Variants in CHD9 observed in about 807,000 individuals in gnomAD.
CHD9 encodes the protein ATP-dependent chromatin remodeler CHD9.
CHD9 carries 77 observed loss-of-function variants against 316.1 expected under a neutral mutation model. That is an observed-to-expected ratio of 0.24 (90% CI 0.20 to 0.29). CHD9 has a LOEUF of 0.29. CHD9 is among the 10% of genes least tolerant of loss of function. CHD9 has a pLI of 1.00. For synonymous variants in CHD9, 1,129 were observed against 1,158.3 expected, an observed-to-expected ratio of 0.97 and a Z score of 0.51; for missense variants, 2,763 against 3,438.1, an observed-to-expected ratio of 0.80 and a Z score of 4.91.
At chr16:53,296,004 C>T (rs999397427) in intron 29 of CHD9, among the ~76,000 whole-genome samples, 1 of 152,266 alleles carries the variant, frequency 6.6e-6, no homozygotes. Flanking sequence ...AAGCCATAAC[C>T]TTGTCAATCT....
At chr16:53,146,689 C>G (rs2040653855) in intron 1 of CHD9, among the ~76,000 whole-genome samples, 1 of 150,620 alleles carries the variant, frequency 6.6e-6, no homozygotes, top group Admixed American at 6.6e-5. Flanking sequence ...ATCCCAGCTA[C>G]TTGGGAGGCT....
At chr16:53,198,420 G>A (rs1181994626) in intron 2 of CHD9, among the ~76,000 whole-genome samples, 4 of 148,262 alleles carry the variant, frequency 2.7e-5, no homozygotes, top group Non-Finnish European at 5.9e-5. Context: ...TCCGCCTCCC[G>A]GGTTCAAGCG....
intron 2 of CHD9, among the ~76,000 whole-genome samples, chr16:53,190,312 C>T (rs2044377653): frequency 6.6e-6 from 1 of 151,980 alleles, no homozygotes; most frequent in Non-Finnish European, 1.5e-5. Flanking sequence ...TTTGTCTACA[C>T]TGAGAATCAA....
At chr16:53,249,764 T>G (rs2049976360) in intron 16 of CHD9, 107 bp from the exon 17 acceptor site, 2 of 895,460 alleles carry the variant, frequency 2.2e-6, no homozygotes, top group South Asian at 3.1e-5. Context: ...GCTTCTTAAT[T>G]TTAGAGAAAA....
chr16:53,162,565 CAT>C (rs2041987557), intron 2 of CHD9, among the ~76,000 whole-genome samples: 1 of 152,048 alleles, frequency 6.6e-6, no homozygotes, highest in South Asian at 2.1e-4. Context: ...GTAAGTGAAA[CAT>C]GTTATGAGGG....
chr16:53,208,611 G>GA (rs2046075588), intron 2 of CHD9: 1 of 1,000,866 alleles, frequency 1.0e-6, no homozygotes, highest in Non-Finnish European at 1.2e-6. Flanking sequence ...GGCAGGTATA[G>GA]AAAAAATATC....
rs1319314541 is a variant in CHD9, at chr16:53,245,135, C to G, written c.3055-201C>G. Reference sequence around the variant, plus strand: ...GCTGAACTATGATGGCATCACTGCACTCCAGCCTGGGTGTCACAGCAAGAC... The same window carrying G: ...GCTGAACTATGATGGCATCACTGCAGTCCAGCCTGGGTGTCACAGCAAGAC... On this transcript the variant is annotated intron_variant, in intron 13 of 38. Coordinates refer to ENST00000447540, the MANE Select transcript of CHD9 (RefSeq NM_001308319.2). This position sits in a 1 kb window ranked among gnomAD's most constrained non-coding sequence, Gnocchi z 4.1. Among the ~76,000 whole-genome samples the G allele has an allele frequency of 6.6e-6, 1 of 151,978 alleles. No homozygotes were observed. The highest frequency in any genetic ancestry group is 1.5e-5 in the Non-Finnish European group (1 of 68,000).
intron 13 of CHD9, among the ~76,000 whole-genome samples, chr16:53,244,987 A>T (rs1311471068): frequency 6.6e-6 from 1 of 152,070 alleles, no homozygotes; most frequent in Non-Finnish European, 1.5e-5. Context: ...GTTGTGGTGC[A>T]TACCTGTAGT....
intron 2 of CHD9, among the ~76,000 whole-genome samples, chr16:53,190,196 T>G (rs2044368348): frequency 6.6e-6 from 1 of 152,166 alleles, no homozygotes; most frequent in African/African-American, 2.4e-5. Context: ...TGGCTTTCTT[T>G]CCAGATGGTA....
At chr16:53,100,808 A>G (rs1362371184) in intron 1 of CHD9, among the ~76,000 whole-genome samples, 1 of 152,150 alleles carries the variant, frequency 6.6e-6, no homozygotes, top group African/African-American at 2.4e-5. Flanking sequence ...GCTCTATGAC[A>G]TTGGCAAGTC....
intron 1 of CHD9, among the ~76,000 whole-genome samples, chr16:53,074,731 G>A (rs937989844): frequency 6.6e-6 from 1 of 152,202 alleles, no homozygotes; most frequent in African/African-American, 2.4e-5. Context: ...TGGGGTTTGG[G>A]AACCTCCGCC....
At chr16:53,061,646 G>C (rs1380771819) in intron 1 of CHD9, among the ~76,000 whole-genome samples, 1 of 152,208 alleles carries the variant, frequency 6.6e-6, no homozygotes, top group Non-Finnish European at 1.5e-5. Flanking sequence ...TTTCAGAAGT[G>C]TCCCACGAAA....
At chr16:53,271,121 A>C (rs1485167752) in intron 22 of CHD9, among the ~76,000 whole-genome samples, 2 of 151,774 alleles carry the variant, frequency 1.3e-5, no homozygotes, top group Non-Finnish European at 2.9e-5. Flanking sequence ...AAAAAAAAAA[A>C]CCCAGCCAGT....
At chr16:53,197,148 A>G (rs932748180) in intron 2 of CHD9, among the ~76,000 whole-genome samples, 1 of 152,320 alleles carries the variant, frequency 6.6e-6, no homozygotes, top group South Asian at 2.1e-4. Context: ...AGACTAGTAG[A>G]AAGGTTATGG....
At chr16:53,137,245 T>G (rs1011156876) in intron 1 of CHD9, among the ~76,000 whole-genome samples, 2 of 152,196 alleles carry the variant, frequency 1.3e-5, no homozygotes, top group African/African-American at 4.8e-5. Flanking sequence ...GTGTTGGGAT[T>G]ACAGGTGTGA....
At chr16:53,263,355 T>C (rs185932448) in intron 20 of CHD9, among the ~76,000 whole-genome samples, 301 of 152,254 alleles carry the variant, frequency 2.0e-3, no homozygotes, top group Admixed American at 4.0e-3. Flanking sequence ...ATATGTTTTT[T>C]AAATTTTTTA....
chr16:53,146,192 C>A (rs1370299653), intron 1 of CHD9, among the ~76,000 whole-genome samples: 5 of 142,934 alleles, frequency 3.5e-5, no homozygotes, highest in Admixed American at 7.2e-5. Flanking sequence ...TCGAGACCAA[C>A]CTGACCAAAA....
At chr16:53,178,732 G>A (rs1300449421) in intron 2 of CHD9, among the ~76,000 whole-genome samples, 1 of 151,912 alleles carries the variant, frequency 6.6e-6, no homozygotes, top group African/African-American at 2.4e-5. Flanking sequence ...CAAAGTGCTG[G>A]GATTACAAAC....
At chr16:53,284,228 G>T (rs1472912346) in intron 24 of CHD9, among the ~76,000 whole-genome samples, 1 of 151,814 alleles carries the variant, frequency 6.6e-6, no homozygotes, top group Non-Finnish European at 1.5e-5. Flanking sequence ...TATATCTCTG[G>T]TTATTTGAAA....
Sources: allele counts gnomAD v4.1 joint callset (sites outside exome capture counted in the v4.1 genomes callset), GRCh38; gene constraint gnomAD v4.1.1; non-coding constraint Gnocchi (gnomAD v3.1); transcripts MANE v1.5; gene names NCBI Gene and HGNC (gene_info 2026-07-23, HGNC 2026-07-21).